The following KCNQ1 variants were observed in gnomAD, a reference collection of about 807,000 sequenced individuals.
The protein encoded by KCNQ1 is potassium voltage-gated channel subfamily KQT member 1.
In KCNQ1, 49 loss-of-function variants were observed where a neutral mutation model predicts 72.4. The ratio of observed to expected loss-of-function variants is 0.68; its 90% CI spans 0.54 to 0.86. The LOEUF is 0.86. Ranked by LOEUF, KCNQ1 falls within the 40% of genes least tolerant of loss-of-function variation. KCNQ1 has a pLI of 0.00. For synonymous variants in KCNQ1, 450 were observed against 412.6 expected, an observed-to-expected ratio of 1.09 and a Z score of -1.10; for missense variants, 790 against 945.1, an observed-to-expected ratio of 0.84 and a Z score of 2.15.
intron 10 of KCNQ1, chr11:2,648,132 G>A (rs974637607): frequency 4.7e-5 from 15 of 316,136 alleles, no homozygotes; most frequent in Non-Finnish European, 7.9e-5. Context: ...TTGAGCCCAG[G>A]AAGCAGAGGT....
Position 2,717,864 on chromosome 11 carries a change from C to G in KCNQ1, c.1515-50980C>G, listed in dbSNP as rs551461691. Among the ~76,000 whole-genome samples, 3 of 152,310 alleles carry G rather than the reference C, an allele frequency of 2.0e-5. No individual in the cohort carries two copies. In the East Asian group the frequency reaches 5.8e-4, roughly 29 times the overall value. ...AGAGGAACCCCCTCTCCCCCGATGG[C>G]CCACTCGCCCCAGGGCCTCCAGGTT... On this transcript the variant is annotated intron_variant, in intron 11 of 15. Coordinates refer to ENST00000155840, the MANE Select transcript of KCNQ1 (RefSeq NM_000218.3).
At chr11:2,628,271 C>G (rs931252248) in intron 10 of KCNQ1, 4 of 398,368 alleles carry the variant, frequency 1.0e-5, no homozygotes, top group African/African-American at 8.2e-5. Context: ...TAAGGGACAC[C>G]TTTTCTCCAC....
chr11:2,526,480 C>T lies in KCNQ1; in HGVS notation c.387-1448C>T, dbSNP rs1847508500. ...GAGGGGGCCTGAGCAGGGTCTTTGGCTGAGTGAGCCCTCAAGGGCCTTTGG... is the reference window on the plus strand; with the variant it reads ...GAGGGGGCCTGAGCAGGGTCTTTGGTTGAGTGAGCCCTCAAGGGCCTTTGG... On this transcript the variant is annotated intron_variant, in intron 1 of 15. Coordinates refer to ENST00000155840, the MANE Select transcript of KCNQ1 (RefSeq NM_000218.3). This position sits in a 1 kb window ranked among gnomAD's most constrained non-coding sequence, Gnocchi z 6.1. 1.3e-5 allele frequency among the ~76,000 whole-genome samples: 2 copies of T among 151,792 alleles called. No homozygotes were observed. Among genetic ancestry groups the T allele is most frequent in the South Asian group, 4.1e-4 (2 of 4,826 alleles).
At chr11:2,681,654 G>A (rs1263156727) in intron 11 of KCNQ1, 3 of 326,384 alleles carry the variant, frequency 9.2e-6, no homozygotes, top group African/African-American at 2.9e-5. Flanking sequence ...CCCTCTCTCA[G>A]GAGAAGGTGC....
At chr11:2,616,347 G>C (rs1004227844) in intron 10 of KCNQ1, 4 of 396,860 alleles carry the variant, frequency 1.0e-5, no homozygotes, top group South Asian at 1.3e-4. Context: ...AGCAACTTTT[G>C]GTTTTGTTAA....
chr11:2,839,117 G>GAT (rs1226329226), intron 15 of KCNQ1, among the ~76,000 whole-genome samples: 1 of 152,218 alleles, frequency 6.6e-6, no homozygotes, highest in East Asian at 1.9e-4. Flanking sequence ...CCGGGCTAGG[G>GAT]ATAGGCCAGC....
rs931958884 is a variant in KCNQ1, at chr11:2,720,284, G to A, written c.1515-48560G>A. Among the ~76,000 whole-genome samples, 2 of 152,160 alleles carry A rather than the reference G, an allele frequency of 1.3e-5. No homozygotes were observed. The highest frequency in any genetic ancestry group is 4.8e-5 in the African/African-American group (2 of 41,430). On this transcript the variant is annotated intron_variant, in intron 11 of 15. Transcript: ENST00000155840. This position sits in a 1 kb window ranked among gnomAD's most constrained non-coding sequence, Gnocchi z 5.1. ...TATCGGTGGGCTCATGGGGGCTTGA[G>A]TGTCCTGGCAGCTCTCCTCATCCAT...
rs905895033 is a variant in KCNQ1 at position 2,653,454 on chromosome 11, T to C, written c.1394-8507T>C. On this transcript the variant is annotated intron_variant, in intron 10 of 15. Coordinates refer to ENST00000155840, the MANE Select transcript of KCNQ1 (RefSeq NM_000218.3). The surrounding 1 kb of genome is among the most constrained non-coding windows in gnomAD (Gnocchi z 5.3). ...AAGCACAAAAGGGACATTTTTTGGC[T>C]CACACAGCTGGACCCAGCTGTTTCA... 5 of 398,460 alleles carry C rather than the reference T, an allele frequency of 1.3e-5. No individual in the cohort carries two copies. Among genetic ancestry groups the C allele is most frequent in the African/African-American group, 1.0e-4 (5 of 48,590 alleles). The allele number at this position is 398,460 out of a possible 1,614,324, so 24.7% of individuals were successfully genotyped here.
At chr11:2,741,063 G>T (rs1359072960) in intron 11 of KCNQ1, among the ~76,000 whole-genome samples, 1 of 152,186 alleles carries the variant, frequency 6.6e-6, no homozygotes, top group African/African-American at 2.4e-5. Flanking sequence ...GCCCTGGGGT[G>T]GGGGGTGTTC....
At chr11:2,555,664 C>T (rs1214368334) in intron 2 of KCNQ1, among the ~76,000 whole-genome samples, 1 of 152,246 alleles carries the variant, frequency 6.6e-6, no homozygotes, top group East Asian at 1.9e-4. Flanking sequence ...GCCTGATTTG[C>T]GGGCAGCCCC....
intron 8 of KCNQ1, 139 bp from the exon 9 acceptor site, chr11:2,587,431 G>T: frequency 8.0e-7 from 1 of 1,248,276 alleles, no homozygotes; most frequent in Non-Finnish European, 1.1e-6. Context: ...TGTCAAGCCT[G>T]TGACTCTGAG....
At position 2,671,401 on chromosome 11, in the gene KCNQ1, G is replaced by A; in HGVS notation, c.1514+9320G>A. 2 of 398,518 alleles carry A rather than the reference G, an allele frequency of 5.0e-6. No individual in the cohort carries two copies. Among genetic ancestry groups the A allele is most frequent in the African/African-American group, 2.1e-5 (1 of 48,704 alleles). 24.7% of individuals were successfully genotyped at this position (398,518 alleles called of 1,614,324 possible). A position where few individuals can be genotyped will look rare whatever the true frequency, so the allele number is the denominator to read the frequency against. On this transcript the variant is annotated intron_variant, in intron 11 of 15. Coordinates refer to ENST00000155840, the MANE Select transcript of KCNQ1 (RefSeq NM_000218.3). This position sits in a 1 kb window ranked among gnomAD's most constrained non-coding sequence, Gnocchi z 4.7. ...GGAACACCTGGCATGCCTCTCCCAG[G>A]GTACTCTGGATGTGCACCCAGAGAT... is the stretch of plus-strand genomic sequence containing the variant.
At chr11:2,574,635 G>C (rs1207364032) in intron 6 of KCNQ1, among the ~76,000 whole-genome samples, 2 of 152,178 alleles carry the variant, frequency 1.3e-5, no homozygotes, top group Admixed American at 1.3e-4. Flanking sequence ...GGCTCCCCAG[G>C]CAGGCACGTG....
At position 2,620,197 on chromosome 11, in the gene KCNQ1, A is replaced by C. The variant is rs1429151815; in HGVS notation, c.1393+31343A>C. 6.0e-6 allele frequency: 2 copies of C among 331,380 alleles called. No homozygotes were observed. The highest frequency in any genetic ancestry group is 5.8e-5 in the African/African-American group (2 of 34,702). 20.5% of individuals were successfully genotyped at this position (331,380 alleles called of 1,614,324 possible). ...TGCTGCAAAGGACGTAAGTTCATTC[A>C]TGTATATATATATATTTTTTTTTTT... On this transcript the variant is annotated intron_variant, in intron 10 of 15. Transcript: ENST00000155840. The surrounding 1 kb of genome is among the most constrained non-coding windows in gnomAD (Gnocchi z 4.5).
chr11:2,786,798 T>C, intron 15 of KCNQ1, among the ~76,000 whole-genome samples: 1 of 152,168 alleles, frequency 6.6e-6, no homozygotes, highest in Admixed American at 6.5e-5. Context: ...ACTTGCCTGT[T>C]CAAACTTTAA....
rs142652707 is a variant in KCNQ1 at position 2,633,610 on chromosome 11, G to A, written c.1394-28351G>A. Reference sequence around the variant, plus strand: ...ATATCCTGTTTTCCCAACATGATGTGTTCAACATGGTGTCCTTTCCCCAGA... The same window carrying A: ...ATATCCTGTTTTCCCAACATGATGTATTCAACATGGTGTCCTTTCCCCAGA... On this transcript the variant is annotated intron_variant, in intron 10 of 15. Transcript: ENST00000155840. The A allele has an allele frequency of 3.4e-4, 134 of 398,478 alleles. No individual in the cohort carries two copies. The highest frequency in any genetic ancestry group is 5.7e-4 in the Admixed American group (13 of 22,720). The allele number at this position is 398,478 out of a possible 1,614,324, so 24.7% of individuals were successfully genotyped here.
chr11:2,452,535 C>T (rs967975562), intron 1 of KCNQ1, among the ~76,000 whole-genome samples: 4 of 151,880 alleles, frequency 2.6e-5, no homozygotes, highest in African/African-American at 9.7e-5. Context: ...CAGCTGGAGA[C>T]GGGGCGGGAA....
At chr11:2,722,601 T>C (rs141606678) in intron 11 of KCNQ1, among the ~76,000 whole-genome samples, 2 of 152,226 alleles carry the variant, frequency 1.3e-5, no homozygotes, top group East Asian at 3.9e-4. Context: ...TTTGGCCACA[T>C]GGAGGTCCTA....
rs550386365 is a variant in KCNQ1, at chr11:2,664,176, A to G, written c.1514+2095A>G. 1.5e-5 allele frequency: 6 copies of G among 398,550 alleles called. No individual in the cohort carries two copies. The highest frequency in any genetic ancestry group is 2.7e-5 in the Non-Finnish European group (6 of 226,200). 24.7% of individuals were successfully genotyped at this position (398,550 alleles called of 1,614,324 possible). On this transcript the variant is annotated intron_variant, in intron 11 of 15. Transcript: ENST00000155840. The surrounding 1 kb of genome is among the most constrained non-coding windows in gnomAD (Gnocchi z 5.1). The stretch of plus-strand genomic sequence containing the variant: ...AGGCTGTTCCAAAAGTGGCTGCTAG[A>G]TATGAGCCAGCCTGGGAAGGCAGGA...
Sources: gnomAD v4.1 joint callset for allele counts (sites outside exome capture counted in the v4.1 genomes callset) on GRCh38, gnomAD v4.1.1 for gene constraint, Gnocchi (gnomAD v3.1) non-coding constraint, MANE v1.5 for transcripts, NCBI Gene and HGNC (gene_info 2026-07-23, HGNC 2026-07-21) for gene names.